The following CSMD1 variants were observed in gnomAD, a reference collection of about 807,000 sequenced individuals.
CSMD1 encodes CUB and sushi domain-containing protein 1.
CSMD1 carries 213 observed loss-of-function variants against 417.5 expected under a neutral mutation model. The ratio of observed to expected loss-of-function variants is 0.51; its 90% CI spans 0.46 to 0.57. The LOEUF is 0.57. Among genes scored for constraint, CSMD1 ranks in the 20% least tolerant of loss-of-function variants. CSMD1 has a pLI of 0.00. For missense variants in CSMD1, 6,923 were observed against 4,529.7 expected, an observed-to-expected ratio of 1.53 and a Z score of -15.17; for synonymous variants, 2,862 against 1,736.8, an observed-to-expected ratio of 1.65 and a Z score of -16.11.
At chr8:3,998,221 A>G (rs1815375487) in intron 4 of CSMD1, 111 bp from the exon 5 acceptor site, 1 of 853,766 alleles carries the variant, frequency 1.2e-6, no homozygotes, top group Non-Finnish European at 1.8e-6. Context: ...CTGAACCCAA[A>G]ATTGAGACAC....
At chr8:4,049,474 T>G (rs770883910) in intron 3 of CSMD1, among the ~76,000 whole-genome samples, 1 of 151,746 alleles carries the variant, frequency 6.6e-6, no homozygotes, top group Non-Finnish European at 1.5e-5. Flanking sequence ...GGCATTCAAA[T>G]ACCATGCATA....
At chr8:3,045,593 C>G (rs1028334015) in intron 50 of CSMD1, among the ~76,000 whole-genome samples, 1 of 152,162 alleles carries the variant, frequency 6.6e-6, no homozygotes, top group Non-Finnish European at 1.5e-5. Context: ...CCATCACCTA[C>G]TTAATACTTC....
chr8:4,844,873 G>A (rs1230147372), intron 1 of CSMD1, among the ~76,000 whole-genome samples: 1 of 152,082 alleles, frequency 6.6e-6, no homozygotes, highest in Non-Finnish European at 1.5e-5. Flanking sequence ...TACTACATCT[G>A]CTTAACAGTA....
chr8:3,770,965 C>T (rs995289849), intron 5 of CSMD1, among the ~76,000 whole-genome samples: 3 of 151,902 alleles, frequency 2.0e-5, no homozygotes, highest in African/African-American at 7.3e-5. Flanking sequence ...GCAGAAATTG[C>T]CCAGTGCATG....
At chr8:3,337,932 G>T (rs1476915189) in intron 23 of CSMD1, among the ~76,000 whole-genome samples, 1 of 152,138 alleles carries the variant, frequency 6.6e-6, no homozygotes, top group Non-Finnish European at 1.5e-5. Flanking sequence ...TTTGTGGAAG[G>T]GAAGCTCGGC....
At chr8:4,597,664 A>C (rs555524351) in intron 2 of CSMD1, among the ~76,000 whole-genome samples, 5 of 152,216 alleles carry the variant, frequency 3.3e-5, no homozygotes, top group Non-Finnish European at 7.3e-5. Context: ...TAACACAATC[A>C]GAAAAAAAAT....
At chr8:3,102,291 T>C (rs530488858) in intron 46 of CSMD1, among the ~76,000 whole-genome samples, 20 of 152,288 alleles carry the variant, frequency 1.3e-4, no homozygotes, top group Admixed American at 1.2e-3. Flanking sequence ...TAGGGTCTTA[T>C]TTCCTGTTTG....
chr8:4,841,877 C>T (rs1268905153), intron 1 of CSMD1, among the ~76,000 whole-genome samples: 10 of 117,030 alleles, frequency 8.5e-5, no homozygotes, highest in Non-Finnish European at 8.4e-5. Flanking sequence ...CACCGTTGCA[C>T]TCTAGCCGGG....
At chr8:4,339,463 C>A (rs1330840152) in intron 3 of CSMD1, among the ~76,000 whole-genome samples, 1 of 151,992 alleles carries the variant, frequency 6.6e-6, no homozygotes, top group Non-Finnish European at 1.5e-5. Flanking sequence ...TACAAAGCTA[C>A]CGCGAAATGA....
intron 1 of CSMD1, among the ~76,000 whole-genome samples, chr8:4,851,652 A>G (rs969111481): frequency 1.3e-5 from 2 of 151,978 alleles, no homozygotes; most frequent in African/African-American, 4.8e-5. Context: ...TGACTTCTCA[A>G]TGTCTCCTGC....
At chr8:3,395,572 T>A (rs552713622) in intron 17 of CSMD1, among the ~76,000 whole-genome samples, 20 of 152,254 alleles carry the variant, frequency 1.3e-4, no homozygotes, top group Admixed American at 4.6e-4. Context: ...AAGTTTGGAC[T>A]GTTTGCAAAA....
Position 4,816,990 on chromosome 8 carries a change from C to T in CSMD1, c.85+177342G>A, listed in dbSNP as rs149163926. ...TAACAGTAAAGAAAACTGCACCAAA[C>T]ACAGATAAGAGCAGAGGGCTCAGAG... On this transcript the variant is annotated intron_variant, in intron 1 of 69. Coordinates refer to ENST00000635120, the MANE Select transcript of CSMD1 (RefSeq NM_033225.6). 9.2e-5 allele frequency among the ~76,000 whole-genome samples: 14 copies of T among 152,266 alleles called. 1 individual carries two copies. The East Asian group carries it at 2.5e-3, about 27-fold the overall frequency.
intron 10 of CSMD1, among the ~76,000 whole-genome samples, chr8:3,547,864 T>A (rs1168828187): frequency 6.6e-6 from 1 of 152,226 alleles, no homozygotes; most frequent in Non-Finnish European, 1.5e-5. Context: ...TAGGTCATTT[T>A]TTAAAATGTC....
Position 3,189,022 on chromosome 8 carries a change from C to A in CSMD1, c.5399-11G>T. On this transcript the variant is annotated splice_polypyrimidine_tract_variant and intron_variant, in intron 34 of 69. Transcript: ENST00000635120. ...TGCCACTGCAGGGTACTAAAAGACA[C>A]AACCATATGTCATGAAATAAAGTGC... The A allele has an allele frequency of 6.2e-7, 1 of 1,608,136 alleles. No individual in the cohort carries two copies. Among genetic ancestry groups the A allele is most frequent in the African/African-American group, 1.3e-5 (1 of 74,904 alleles).
chr8:4,937,236 A>G (rs1242359462), intron 1 of CSMD1, among the ~76,000 whole-genome samples: 2 of 152,074 alleles, frequency 1.3e-5, no homozygotes, highest in Non-Finnish European at 2.9e-5. Context: ...AAATAAAATT[A>G]TTTTTTATAA....
chr8:4,344,019 A>C (rs1800635358), intron 3 of CSMD1, among the ~76,000 whole-genome samples: 1 of 152,164 alleles, frequency 6.6e-6, no homozygotes, highest in African/African-American at 2.4e-5. Context: ...GTGGTTGTGA[A>C]ATTGTGAATG....
At chr8:3,055,567 T>C (rs971764229) in intron 49 of CSMD1, among the ~76,000 whole-genome samples, 3 of 152,232 alleles carry the variant, frequency 2.0e-5, no homozygotes, top group Admixed American at 6.5e-5. Flanking sequence ...GCATGATTGC[T>C]ATAGGATAGG....
intron 1 of CSMD1, among the ~76,000 whole-genome samples, chr8:4,867,272 C>T (rs965858565): frequency 2.6e-5 from 4 of 152,042 alleles, no homozygotes; most frequent in Admixed American, 6.5e-5. Flanking sequence ...TAAACACTCC[C>T]TACTCATCAA....
intron 4 of CSMD1, among the ~76,000 whole-genome samples, chr8:4,001,604 G>A (rs563831459): frequency 1.4e-4 from 22 of 152,244 alleles, no homozygotes; most frequent in Non-Finnish European, 2.6e-4. Context: ...AAACTGCAAT[G>A]TTATGCCCCT....
Sources: allele counts gnomAD v4.1 joint callset (sites outside exome capture counted in the v4.1 genomes callset), GRCh38; gene constraint gnomAD v4.1.1; transcripts MANE v1.5; gene names NCBI Gene and HGNC (gene_info 2026-07-23, HGNC 2026-07-21).